The following GPC5 variants were observed in gnomAD, a reference collection of about 807,000 sequenced individuals.
GPC5 encodes the protein glypican 5, also known as glypican-5.
A neutral mutation model predicts 53.9 loss-of-function variants in GPC5; 47 were observed. That is an observed-to-expected ratio of 0.87 (90% CI 0.69 to 1.11). The LOEUF (loss-of-function observed/expected upper bound fraction) is 1.11. Ranked by LOEUF, GPC5 falls within the 50% of genes most tolerant of loss-of-function variation. The pLI is 0.00. For missense variants in GPC5, 748 were observed against 713.1 expected, an observed-to-expected ratio of 1.05 and a Z score of -0.56; for synonymous variants, 286 against 263.3, an observed-to-expected ratio of 1.09 and a Z score of -0.84.
chr13:91,548,493 A>G (rs1021447555), intron 2 of GPC5, among the ~76,000 whole-genome samples: 1 of 152,222 alleles, frequency 6.6e-6, no homozygotes, highest in Admixed American at 6.5e-5. Context: ...CTCCATGTTC[A>G]TGGATAGGAA....
At chr13:92,652,624 C>G (rs905918360) in intron 7 of GPC5, among the ~76,000 whole-genome samples, 5 of 152,122 alleles carry the variant, frequency 3.3e-5, no homozygotes, top group Non-Finnish European at 7.3e-5. Flanking sequence ...ACTTTACTTT[C>G]CTAATCTCAA....
At chr13:92,569,980 T>G (rs1321469137) in intron 7 of GPC5, among the ~76,000 whole-genome samples, 7 of 152,172 alleles carry the variant, frequency 4.6e-5, no homozygotes, top group Admixed American at 2.6e-4. Context: ...TTGTCCTCGT[T>G]TGAGCTATTA....
chr13:91,528,028 A>G (rs1275197307), intron 2 of GPC5, among the ~76,000 whole-genome samples: 1 of 152,222 alleles, frequency 6.6e-6, no homozygotes, highest in Non-Finnish European at 1.5e-5. Flanking sequence ...GCTGGTGTGA[A>G]GATCTCTGAA....
At chr13:92,298,488 C>T (rs904295600) in intron 7 of GPC5, among the ~76,000 whole-genome samples, 3 of 152,200 alleles carry the variant, frequency 2.0e-5, no homozygotes, top group African/African-American at 7.2e-5. Context: ...AGCAAGCCCG[C>T]AGGGATTTTC....
chr13:92,833,977 T>C (rs964961221), intron 7 of GPC5, among the ~76,000 whole-genome samples: 1 of 152,192 alleles, frequency 6.6e-6, no homozygotes, highest in Non-Finnish European at 1.5e-5. Context: ...GGATGTTAAG[T>C]AGTAGGACAA....
chr13:92,030,347 C>G (rs1340827285), intron 6 of GPC5, among the ~76,000 whole-genome samples: 1 of 152,098 alleles, frequency 6.6e-6, no homozygotes, highest in African/African-American at 2.4e-5. Context: ...GTTATGTTCT[C>G]CACCATCCTT....
intron 7 of GPC5, among the ~76,000 whole-genome samples, chr13:92,718,001 TATC>T (rs67848510): frequency 0.038 from 5,805 of 152,186 alleles, 150 homozygotes; most frequent in Non-Finnish European, 0.061. Context: ...TACAATGAGA[TATC>T]ATCTCACCCC....
At chr13:92,421,991 T>C (rs1876588545) in intron 7 of GPC5, among the ~76,000 whole-genome samples, 1 of 151,820 alleles carries the variant, frequency 6.6e-6, no homozygotes, top group Admixed American at 6.6e-5. Context: ...TTCCCACCAC[T>C]CTACTAACCC....
chr13:91,598,093 CT>C (rs1054443424), intron 2 of GPC5, among the ~76,000 whole-genome samples: 2 of 152,040 alleles, frequency 1.3e-5, no homozygotes, highest in African/African-American at 4.8e-5. Context: ...CATTTCTGAA[CT>C]ATTTTTCTAT....
chr13:91,784,415 G>A (rs2037845215), intron 5 of GPC5, among the ~76,000 whole-genome samples: 1 of 152,080 alleles, frequency 6.6e-6, no homozygotes, highest in South Asian at 2.1e-4. Context: ...GCAGGGAAAA[G>A]TCATCCCACT....
intron 6 of GPC5, among the ~76,000 whole-genome samples, chr13:92,029,959 A>C (rs1407525406): frequency 6.6e-6 from 1 of 152,208 alleles, no homozygotes; most frequent in African/African-American, 2.4e-5. Flanking sequence ...TGAAAGAAAA[A>C]GTACTAGGAG....
intron 6 of GPC5, among the ~76,000 whole-genome samples, chr13:92,023,225 CAATT>C (rs2138793724): frequency 6.6e-6 from 1 of 152,046 alleles, no homozygotes; most frequent in South Asian, 2.1e-4. Context: ...AGGATCTGGT[CAATT>C]TTTTTTATAT....
intron 7 of GPC5, among the ~76,000 whole-genome samples, chr13:92,150,809 C>A (rs1056510101): frequency 4.0e-5 from 6 of 151,456 alleles, no homozygotes; most frequent in Admixed American, 2.0e-4. Context: ...ATCTATCCCA[C>A]GCCAGAGAAC....
In GPC5 at chr13:91,693,881, G is replaced by A; in HGVS notation, c.1020G>A (p.Gln340=). The change falls in exon 3 of 8, where the codon CAG becomes CAA. Residue 340 remains glutamine (Q), a splice_region_variant and synonymous_variant. Coordinates refer to ENST00000377067, the MANE Select transcript of GPC5 (RefSeq NM_004466.6). The part of the protein sequence containing the change: ...AHLNGQKLLE[Q]VNRICGRPVR... ...TCAATGGACAAAAATTATTGGAACA[G>A]GTAAGTAGGAGCTCCACATTTTCAG... 6.3e-7 allele frequency: 1 copy of A among 1,578,652 alleles called. No homozygotes were observed.
chr13:92,148,818 T>C (rs1284692964), intron 7 of GPC5, among the ~76,000 whole-genome samples: 1 of 152,120 alleles, frequency 6.6e-6, no homozygotes. Flanking sequence ...TTAAAATCTA[T>C]ACTTCTTGAA....
intron 7 of GPC5, among the ~76,000 whole-genome samples, chr13:92,571,125 G>T (rs1036633562): frequency 6.6e-6 from 1 of 152,152 alleles, no homozygotes; most frequent in African/African-American, 2.4e-5. Flanking sequence ...TACATAATTT[G>T]AGAGGGGGCT....
At chr13:92,523,979 A>C (rs1198940658) in intron 7 of GPC5, among the ~76,000 whole-genome samples, 2 of 152,096 alleles carry the variant, frequency 1.3e-5, no homozygotes, top group African/African-American at 4.8e-5. Context: ...AGCGAGTTGT[A>C]ATCTTTTTGA....
In GPC5 at chr13:92,114,320, C is replaced by T. The variant is rs74708164; in HGVS notation, c.1402-30510C>T. ...GTGTGCACACACACAGGCACACACA[C>T]ATACTCACATGCAGAACGTTACTTC... On this transcript the variant is annotated intron_variant, in intron 6 of 7. Coordinates refer to ENST00000377067, the MANE Select transcript of GPC5 (RefSeq NM_004466.6). Among the ~76,000 whole-genome samples the T allele has an allele frequency of 3.0e-3, 457 of 152,264 alleles. 4 individuals are homozygous for T. Among genetic ancestry groups the T allele is most frequent in the African/African-American group, 0.01 (422 of 41,544 alleles).
intron 7 of GPC5, among the ~76,000 whole-genome samples, chr13:92,831,451 GA>G (rs1878041565): frequency 6.6e-6 from 1 of 151,970 alleles, no homozygotes; most frequent in African/African-American, 2.4e-5. Context: ...CATTAACTAA[GA>G]ATCCTCCTCT....
Sources: allele counts gnomAD v4.1 joint callset (sites outside exome capture counted in the v4.1 genomes callset), GRCh38; gene constraint gnomAD v4.1.1; transcripts MANE v1.5; gene names NCBI Gene and HGNC (gene_info 2026-07-23, HGNC 2026-07-21).